Variants in ADCY5 observed in about 807,000 individuals in gnomAD.
ADCY5 encodes adenylate cyclase 5, also known as adenylate cyclase type 5.
ADCY5 carries 30 observed loss-of-function variants against 119.7 expected under a neutral mutation model. The ratio of observed to expected loss-of-function variants is 0.25; its 90% CI spans 0.19 to 0.34. The LOEUF is 0.34. Among genes scored for constraint, ADCY5 ranks in the 10% least tolerant of loss-of-function variants. The pLI, the probability that ADCY5 is intolerant of heterozygous loss-of-function variation, is 1.00. For synonymous variants in ADCY5, 753 were observed against 762.2 expected, an observed-to-expected ratio of 0.99 and a Z score of 0.20; for missense variants, 1,324 against 1,775.2, an observed-to-expected ratio of 0.75 and a Z score of 4.57.
chr3:123,440,994 G>T (rs1945712386), intron 1 of ADCY5, among the ~76,000 whole-genome samples: 1 of 152,220 alleles, frequency 6.6e-6, no homozygotes, highest in Admixed American at 6.5e-5. Flanking sequence ...TGCACTGATT[G>T]TGCTTCTTTT....
intron 1 of ADCY5, among the ~76,000 whole-genome samples, chr3:123,380,093 T>C (rs1315619909): frequency 1.3e-5 from 2 of 152,180 alleles, no homozygotes; most frequent in Admixed American, 6.5e-5. Flanking sequence ...ACTTCCCTAA[T>C]TAGAAGTAAT....
At chr3:123,326,161 G>A (rs1941474113) in intron 7 of ADCY5, among the ~76,000 whole-genome samples, 2 of 152,226 alleles carry the variant, frequency 1.3e-5, no homozygotes, top group South Asian at 4.1e-4. Flanking sequence ...CTAGGACACG[G>A]CCCGGGGCCC....
At chr3:123,434,715 C>T (rs1945577704) in intron 1 of ADCY5, among the ~76,000 whole-genome samples, 1 of 152,180 alleles carries the variant, frequency 6.6e-6, no homozygotes, top group Non-Finnish European at 1.5e-5. Context: ...CTGGGGTGGG[C>T]CTTGTTAAGG....
chr3:123,331,393 C>G (rs1379788269), intron 4 of ADCY5, among the ~76,000 whole-genome samples: 4 of 152,208 alleles, frequency 2.6e-5, no homozygotes, highest in Non-Finnish European at 5.9e-5. Context: ...GGTCTCTGGT[C>G]CCCTCCACAC....
intron 14 of ADCY5, 35 bp from the exon 15 acceptor site, chr3:123,300,330 G>T (rs760709907): frequency 1.2e-5 from 19 of 1,605,350 alleles, no homozygotes; most frequent in Non-Finnish European, 1.6e-5. Context: ...AGCTCCCCAG[G>T]CCCTGCCCGA....
Position 123,358,195 on chromosome 3 carries a change from T to TGTGTGTATGTGTGTGTGA in ADCY5, c.1135-5615_1135-5614insTCACACACACATACACAC, listed in dbSNP as rs58986112. Among the ~76,000 whole-genome samples the TGTGTGTATGTGTGTGTGA allele has an allele frequency of 2.1e-3, 314 of 149,190 alleles. 4 individuals carry two copies. The highest frequency in any genetic ancestry group is 7.1e-3 in the African/African-American group (285 of 40,036). ...GTGTGTGTGTGTGTGTGTGTGTGTG[T>TGTGTGTATGTGTGTGTGA]AGGGAGTTGGTGGTATGGCGGAGCA... is the stretch of plus-strand genomic sequence containing the variant. On this transcript the variant is annotated intron_variant, in intron 1 of 20. Transcript: ENST00000462833.
intron 12 of ADCY5, among the ~76,000 whole-genome samples, chr3:123,306,648 G>A (rs1391153251): frequency 6.6e-6 from 1 of 152,230 alleles, no homozygotes; most frequent in African/African-American, 2.4e-5. Flanking sequence ...TGGTGGGAAT[G>A]TAAAATGGGG....
chr3:123,297,255 T>C, intron 16 of ADCY5, 98 bp downstream of exon 16: 1 of 1,520,788 alleles, frequency 6.6e-7, no homozygotes. Flanking sequence ...ACTACCCACC[T>C]TGCCACCAAG....
intron 2 of ADCY5, among the ~76,000 whole-genome samples, chr3:123,348,226 CCT>C (rs1576607040): frequency 6.6e-6 from 1 of 151,994 alleles, no homozygotes; most frequent in Admixed American, 6.6e-5. Context: ...CTGGATGTCC[CCT>C]GAGACTCTGC....
At chr3:123,310,582 C>T (rs1335934186) in intron 12 of ADCY5, among the ~76,000 whole-genome samples, 5 of 152,180 alleles carry the variant, frequency 3.3e-5, no homozygotes, top group Non-Finnish European at 2.9e-5. Flanking sequence ...CTGCGGACAA[C>T]GTGTGATGGT....
At chr3:123,340,243 T>C (rs1009268734) in intron 3 of ADCY5, among the ~76,000 whole-genome samples, 2 of 152,034 alleles carry the variant, frequency 1.3e-5, no homozygotes, top group African/African-American at 4.8e-5. Context: ...TGAGCCATGA[T>C]CACACCACTG....
intron 1 of ADCY5, among the ~76,000 whole-genome samples, chr3:123,410,390 C>T (rs182848433): frequency 4.6e-5 from 7 of 152,172 alleles, no homozygotes; most frequent in Admixed American, 2.0e-4. Context: ...GGGGCCACCC[C>T]GTACCTCCCA....
chr3:123,403,571 G>T (rs974055210), intron 1 of ADCY5, among the ~76,000 whole-genome samples: 1 of 152,120 alleles, frequency 6.6e-6, no homozygotes, highest in African/African-American at 2.4e-5. Context: ...GAGCATTGTT[G>T]AGTGAACAAG....
In ADCY5 at chr3:123,448,590, G is replaced by T. The variant is rs1945874587; in HGVS notation, c.-45C>A. 7.9e-7 allele frequency: 1 copy of T among 1,266,352 alleles called. No homozygotes were observed. Among genetic ancestry groups the T allele is most frequent in the Non-Finnish European group, 9.9e-7 (1 of 1,008,092 alleles). The allele number at this position is 1,266,352 out of a possible 1,614,324, so 78.4% of individuals were successfully genotyped here. A position where few individuals can be genotyped will look rare whatever the true frequency, so the allele number is the denominator to read the frequency against. ...TCTCCTTCCTCCTCCCCCGGAAGCC[G>T]GGCCGGGGGTCTCCAAGGGGAGGGC... On this transcript the variant is annotated 5_prime_UTR_variant, in exon 1 of 21. Coordinates refer to ENST00000462833, the MANE Select transcript of ADCY5 (RefSeq NM_183357.3).
At chr3:123,437,455 C>A (rs1945638885) in intron 1 of ADCY5, among the ~76,000 whole-genome samples, 1 of 152,218 alleles carries the variant, frequency 6.6e-6, no homozygotes, top group Non-Finnish European at 1.5e-5. Context: ...GCTGAACCAT[C>A]TGTCACAAGC....
In ADCY5 at chr3:123,300,123, G is replaced by A. The variant is rs773732906; in HGVS notation, c.2897C>T (p.Ala966Val). The A allele has an allele frequency of 2.5e-6, 4 of 1,613,856 alleles. No homozygotes were observed. The South Asian group carries it at 4.4e-5, about 18-fold the overall frequency. ...DNADLLVTAN[A>V]IDFFNNGTSQ... ...GCGTGAGGGAGGTGCCCCATACATG[G>A]CGTTGGCGGTGACCAGCAGGTCGGC... Residue 966 changes from alanine to valine, a missense_variant, in exon 15 of 21, where the codon GCC (alanine) becomes GTC (valine). Ala to Val is a moderately conservative substitution (Grantham distance 64). Around this residue, in one of 6 missense-constraint regions of ADCY5, gnomAD observed 424 missense variants for 546.8 expected, o/e 0.78. Transcript: ENST00000462833.
chr3:123,321,402 A>C (rs1941211250), intron 8 of ADCY5, among the ~76,000 whole-genome samples: 2 of 152,104 alleles, frequency 1.3e-5, no homozygotes, highest in South Asian at 4.1e-4. Flanking sequence ...GTTCTATCAG[A>C]GTTGAGGGTG....
intron 12 of ADCY5, among the ~76,000 whole-genome samples, chr3:123,313,543 A>G (rs553333992): frequency 3.9e-5 from 6 of 152,294 alleles, no homozygotes; most frequent in African/African-American, 1.4e-4. Flanking sequence ...ACTAGTGAAG[A>G]AACTGAGGGA....
chr3:123,433,140 G>C (rs140769298), intron 1 of ADCY5, among the ~76,000 whole-genome samples: 117 of 152,346 alleles, frequency 7.7e-4, no homozygotes, highest in African/African-American at 2.6e-3. Context: ...ACCAGCATAA[G>C]TGCTACAGAG....
Sources: gnomAD v4.1 joint callset for allele counts (sites outside exome capture counted in the v4.1 genomes callset) on GRCh38, gnomAD v4.1.1 for gene constraint, gnomAD v4.1.1 regional missense constraint, MANE v1.5 for transcripts, NCBI Gene and HGNC (gene_info 2026-07-23, HGNC 2026-07-21) for gene names.